Variants in TTC16 observed in about 807,000 individuals in gnomAD.
TTC16 encodes tetratricopeptide repeat protein 16.
Under a neutral mutation model 80.4 loss-of-function variants are expected in TTC16, and 66 were observed. The ratio of observed to expected loss-of-function variants is 0.82; its 90% CI spans 0.67 to 1.01. The LOEUF is 1.01. Among genes scored for constraint, TTC16 ranks in the 50% least tolerant of loss-of-function variants. The probability of loss-of-function intolerance (pLI) is 0.00; values close to 1 mark genes in which losing one functional copy is unlikely to be tolerated. For missense variants in TTC16, 1,070 were observed against 1,103.2 expected, an observed-to-expected ratio of 0.97 and a Z score of 0.43; for synonymous variants, 438 against 451.3, an observed-to-expected ratio of 0.97 and a Z score of 0.37.
Position 127,727,375 on chromosome 9 carries a change from C to A in TTC16, c.1674C>A (p.Thr558=), listed in dbSNP as rs1325168858. 1 of 1,611,306 alleles carries A rather than the reference C, an allele frequency of 6.2e-7. No homozygotes were observed. Among genetic ancestry groups the A allele is most frequent in the Non-Finnish European group, 8.5e-7 (1 of 1,178,800 alleles). ...CGACCTCCGAGGAGCTGAAGGCCAC[C>A]CCTGAGATTCCGCAGGTAAAACCGG... ...LIATSEELKA[T]PEIPQVKPGS... The change falls in exon 12 of 14, where the codon ACC becomes ACA. Residue 558 remains threonine, a synonymous_variant. Transcript: ENST00000373289.
intron 6 of TTC16, among the ~76,000 whole-genome samples, chr9:127,721,100 G>A (rs1843475509): frequency 6.6e-6 from 1 of 151,640 alleles, no homozygotes; most frequent in Admixed American, 6.6e-5. Flanking sequence ...GAAACTTGGG[G>A]TCACAAGGAA....
At chr9:127,720,473 C>T in intron 6 of TTC16, 78 bp downstream of exon 6, 1 of 1,576,060 alleles carries the variant, frequency 6.3e-7, no homozygotes. Flanking sequence ...CAGGAAGAGG[C>T]AAGGCTGTCA....
chr9:127,716,486 C>A (rs1331028448), intron 1 of TTC16: 3 of 539,004 alleles, frequency 5.6e-6, no homozygotes, highest in African/African-American at 1.9e-5. Context: ...GACTGTAGGA[C>A]CCCCAAGGCC....
At chr9:127,717,532 A>G in intron 3 of TTC16, 97 bp from the exon 4 acceptor site, 1 of 1,577,168 alleles carries the variant, frequency 6.3e-7, no homozygotes, top group Non-Finnish European at 8.6e-7. Context: ...CCCTGATGGG[A>G]ATTGGATGTC....
At position 127,727,326 on chromosome 9, in the gene TTC16, G is replaced by C. The variant is rs1272951733; in HGVS notation, c.1625G>C (p.Trp542Ser). ...AAGGCCTTGGCCCTGCAGCACTCAT[G>C]GAAGCAGGGGGAGCCTTTGATTGCG... Reference protein sequence around the residue: ...RQKALALQHSWKQGEPLIATS... With the variant: ...RQKALALQHSSKQGEPLIATS... Residue 542 changes from tryptophan to serine, a missense_variant, in exon 12 of 14, where the codon TGG becomes TCG. Trp to Ser is a radical substitution (Grantham distance 177, BLOSUM62 -3). Transcript: ENST00000373289. 3.1e-6 allele frequency: 5 copies of C among 1,601,030 alleles called. No homozygotes were observed. In the Admixed American group the frequency reaches 5.1e-5, roughly 16 times the overall value.
intron 13 of TTC16, 80 bp from the exon 14 acceptor site, chr9:127,730,556 G>A: frequency 6.5e-7 from 1 of 1,541,540 alleles, no homozygotes; most frequent in South Asian, 1.2e-5. Context: ...GCCAGTGTGA[G>A]ATTGGGAAGC....
chr9:127,720,973 T>G (rs1200817606), intron 6 of TTC16, among the ~76,000 whole-genome samples: 3 of 76,074 alleles, frequency 3.9e-5, no homozygotes, highest in African/African-American at 1.6e-4. Context: ...CTCCTCTTCC[T>G]CCCTCTTCCT....
At chr9:127,728,504 A>G (rs987777215) in intron 12 of TTC16, 1 of 152,252 alleles carries the variant, frequency 6.6e-6, no homozygotes, top group Non-Finnish European at 1.5e-5. Flanking sequence ...TGCCATCAAT[A>G]GAAAATGTGG....
rs1843116338 is a variant in TTC16, at chr9:127,717,326, C to T, written c.192-8C>T. 2 of 1,608,294 alleles carry T rather than the reference C, an allele frequency of 1.2e-6. No homozygotes were observed. Among genetic ancestry groups the T allele is most frequent in the Non-Finnish European group, 1.7e-6 (2 of 1,179,900 alleles). ...CCACCCCTCTGCCTGTCCCCACTTTCCCCACAGCTACTCCAGAGGCCAGCA... is the reference window on the plus strand; with the variant it reads ...CCACCCCTCTGCCTGTCCCCACTTTTCCCACAGCTACTCCAGAGGCCAGCA... On this transcript the variant is annotated splice_polypyrimidine_tract_variant and splice_region_variant and intron_variant, in intron 2 of 13. Coordinates refer to ENST00000373289, the MANE Select transcript of TTC16 (RefSeq NM_144965.3).
chr9:127,720,050 C>T, intron 4 of TTC16, 28 bp from the exon 5 acceptor site: 1 of 1,607,592 alleles, frequency 6.2e-7, no homozygotes, highest in Non-Finnish European at 8.5e-7. Context: ...GGGTGGCAAG[C>T]AGAATTGACT....
At chr9:127,719,574 C>T (rs1843295855) in intron 4 of TTC16, among the ~76,000 whole-genome samples, 1 of 152,188 alleles carries the variant, frequency 6.6e-6, no homozygotes, top group Non-Finnish European at 1.5e-5. Context: ...CTCACTGTAA[C>T]CTCTGCCTCC....
intron 6 of TTC16, 74 bp downstream of exon 6, chr9:127,720,469 G>A (rs750670279): frequency 6.3e-7 from 1 of 1,586,934 alleles, no homozygotes; most frequent in Admixed American, 1.7e-5. Context: ...ATTGCAGGAA[G>A]AGGCAAGGCT....
Position 127,731,421 on chromosome 9 carries a change from C to T in TTC16, c.*16C>T. On this transcript the variant is annotated 3_prime_UTR_variant, in exon 14 of 14. Coordinates refer to ENST00000373289, the MANE Select transcript of TTC16 (RefSeq NM_144965.3). ...AGCTGTCTGAAGGGACCATCCAGAC[C>T]CTCCCTTCTTGCTGGGGAGGGGACG... 6.3e-7 allele frequency: 1 copy of T among 1,592,126 alleles called. No homozygotes were observed. The highest frequency in any genetic ancestry group is 2.2e-5 in the East Asian group (1 of 44,550).
At chr9:127,729,080 C>T (rs1284381501) in intron 12 of TTC16, 1 of 153,928 alleles carries the variant, frequency 6.5e-6, no homozygotes, top group Non-Finnish European at 1.4e-5. Context: ...GGATTCAAAC[C>T]CGGCCTCTCT....
rs1364394064 is a variant in TTC16, at chr9:127,729,635, C to T, written c.1819C>T (p.Leu607Phe). 4 of 1,613,808 alleles carry T rather than the reference C, an allele frequency of 2.5e-6. No homozygotes were observed. The highest frequency in any genetic ancestry group is 3.4e-6 in the Non-Finnish European group (4 of 1,180,016). Reference sequence around the variant, plus strand: ...GGTGGCGTCCCTGTCTGACAGCTACCTTGACCAGACCTCTTCAGCCTCCAG... The same window carrying T: ...GGTGGCGTCCCTGTCTGACAGCTACTTTGACCAGACCTCTTCAGCCTCCAG... ...SKVASLSDSYLDQTSSASSMS... is the reference protein window; with the variant it reads ...SKVASLSDSYFDQTSSASSMS... Residue 607 changes from leucine (L) to phenylalanine (F), a missense_variant, in exon 13 of 14, where the codon CTT (leucine) becomes TTT (phenylalanine). Coordinates refer to ENST00000373289, the MANE Select transcript of TTC16 (RefSeq NM_144965.3).
chr9:127,723,391 G>A, intron 7 of TTC16, 58 bp downstream of exon 7: 1 of 1,553,940 alleles, frequency 6.4e-7, no homozygotes, highest in Non-Finnish European at 8.8e-7. Context: ...CAGACTTTCT[G>A]TGTGGTTTAA....
intron 6 of TTC16, among the ~76,000 whole-genome samples, chr9:127,721,670 A>T (rs1473912803): frequency 6.6e-6 from 1 of 152,092 alleles, no homozygotes; most frequent in Non-Finnish European, 1.5e-5. Flanking sequence ...GCAGCCTCCC[A>T]CAAGCGATTC....
At chr9:127,729,769 C>A in intron 13 of TTC16, 101 bp downstream of exon 13, 1 of 1,059,740 alleles carries the variant, frequency 9.4e-7, no homozygotes, top group Non-Finnish European at 1.4e-6. Context: ...CGTTCGGCCC[C>A]GCTGCTGACA....
In TTC16 at chr9:127,722,671, A is replaced by G. The variant is rs912085911; in HGVS notation, c.658-448A>G. ...TCCCTGTCTCCTTCAAGAGGCAGAA[A>G]GGGGCCAGGCATGGAGACTCAAACC... is the stretch of plus-strand genomic sequence containing the variant. On this transcript the variant is annotated intron_variant, in intron 6 of 13. Coordinates refer to ENST00000373289, the MANE Select transcript of TTC16 (RefSeq NM_144965.3). The surrounding 1 kb of genome is among the most constrained non-coding windows in gnomAD (Gnocchi z 4.2). Among the ~76,000 whole-genome samples the G allele has an allele frequency of 1.3e-5, 2 of 152,152 alleles. No individual in the cohort carries two copies. The highest frequency in any genetic ancestry group is 4.8e-5 in the African/African-American group (2 of 41,436).
Sources: allele counts gnomAD v4.1 joint callset (sites outside exome capture counted in the v4.1 genomes callset), GRCh38; gene constraint gnomAD v4.1.1; non-coding constraint Gnocchi (gnomAD v3.1); transcripts MANE v1.5; gene names NCBI Gene and HGNC (gene_info 2026-07-23, HGNC 2026-07-21).